The following NSMCE2 variants were observed in gnomAD, a reference collection of about 807,000 sequenced individuals.
The protein encoded by NSMCE2 is E3 SUMO-protein ligase NSE2.
In NSMCE2, 24 loss-of-function variants were observed where a neutral mutation model predicts 23.8. That is an observed-to-expected ratio of 1.01 (90% CI 0.73 to 1.42). The LOEUF is 1.42. Ranked by LOEUF, NSMCE2 falls within the 40% of genes most tolerant of loss-of-function variation. NSMCE2 has a pLI of 0.00. For synonymous variants in NSMCE2, 92 were observed against 94.1 expected (o/e 0.98, Z 0.13); for missense variants, 284 against 296.5 (o/e 0.96, Z 0.31).
intron 1 of NSMCE2, among the ~76,000 whole-genome samples, chr8:125,096,611 T>C (rs1240935372): frequency 2.3e-4 from 35 of 150,836 alleles, no homozygotes; most frequent in African/African-American, 7.3e-4. Flanking sequence ...ACCAAATGTG[T>C]ATTACTAGTA....
intron 4 of NSMCE2, among the ~76,000 whole-genome samples, chr8:125,157,741 C>G (rs369077276): frequency 3.9e-5 from 6 of 152,224 alleles, no homozygotes; most frequent in African/African-American, 1.4e-4. Context: ...TCACCGTTAC[C>G]TCATAGAAAT....
intron 5 of NSMCE2, among the ~76,000 whole-genome samples, chr8:125,215,272 A>G (rs1428520998): frequency 7.0e-6 from 1 of 141,976 alleles, no homozygotes; most frequent in African/African-American, 2.6e-5. Context: ...ATTCCCACCT[A>G]TGAGTGAGAA....
At chr8:125,106,538 C>A (rs1292219178) in intron 3 of NSMCE2, among the ~76,000 whole-genome samples, 1 of 151,830 alleles carries the variant, frequency 6.6e-6, no homozygotes, top group Admixed American at 6.6e-5. Context: ...ATTAGCCGGG[C>A]GTGGTGGTGC....
At chr8:125,157,748 A>G (rs1821399699) in intron 4 of NSMCE2, among the ~76,000 whole-genome samples, 2 of 152,228 alleles carry the variant, frequency 1.3e-5, no homozygotes, top group Admixed American at 6.5e-5. Context: ...TACCTCATAG[A>G]AATCCATCAT....
At chr8:125,298,527 C>T (rs566872288) in intron 5 of NSMCE2, among the ~76,000 whole-genome samples, 3 of 152,230 alleles carry the variant, frequency 2.0e-5, no homozygotes, top group East Asian at 3.9e-4. Context: ...GCTGATGCTG[C>T]GCCTCATTAG....
chr8:125,246,404 G>A (rs546678329), intron 5 of NSMCE2, among the ~76,000 whole-genome samples: 11 of 151,984 alleles, frequency 7.2e-5, no homozygotes, highest in Admixed American at 4.6e-4. Flanking sequence ...AGCTGCTCTC[G>A]ATCTCCTGAC....
chr8:125,301,520 T>C (rs1045078227), intron 5 of NSMCE2, among the ~76,000 whole-genome samples: 1 of 152,180 alleles, frequency 6.6e-6, no homozygotes, highest in African/African-American at 2.4e-5. Flanking sequence ...CGAAAGTACT[T>C]GGAAGACTTT....
At chr8:125,274,864 A>G (rs1299995543) in intron 5 of NSMCE2, among the ~76,000 whole-genome samples, 3 of 148,356 alleles carry the variant, frequency 2.0e-5, no homozygotes, top group Admixed American at 6.8e-5. Flanking sequence ...TGGGAGGCGG[A>G]GGTTGCAGTG....
intron 5 of NSMCE2, among the ~76,000 whole-genome samples, chr8:125,242,603 A>C (rs1351461687): frequency 2.0e-5 from 3 of 152,144 alleles, no homozygotes; most frequent in Non-Finnish European, 4.4e-5. Context: ...CCTGGAAAGT[A>C]AACAGAGGGC....
chr8:125,119,968 TA>T (rs976430182), intron 3 of NSMCE2, among the ~76,000 whole-genome samples: 3 of 152,162 alleles, frequency 2.0e-5, no homozygotes, highest in Non-Finnish European at 4.4e-5. Flanking sequence ...ATGTGTAATT[TA>T]AAATTTTCTG....
chr8:125,312,411 G>A (rs1829006995), intron 5 of NSMCE2, among the ~76,000 whole-genome samples: 2 of 152,086 alleles, frequency 1.3e-5, no homozygotes. Flanking sequence ...GGATCACAAG[G>A]TCAGGAGTTC....
intron 5 of NSMCE2, among the ~76,000 whole-genome samples, chr8:125,198,225 T>G (rs773022216): frequency 8.5e-5 from 13 of 152,202 alleles, no homozygotes; most frequent in Non-Finnish European, 1.5e-4. Flanking sequence ...CAACACTATG[T>G]TGAATAGGAG....
chr8:125,341,009 T>G (rs574627732), intron 5 of NSMCE2, among the ~76,000 whole-genome samples: 13 of 152,230 alleles, frequency 8.5e-5, no homozygotes, highest in Non-Finnish European at 1.8e-4. Context: ...GTTCCCTCAC[T>G]GGGCATGTGG....
chr8:125,315,635 G>C (rs1165716545), intron 5 of NSMCE2, among the ~76,000 whole-genome samples: 1 of 152,188 alleles, frequency 6.6e-6, no homozygotes, highest in Non-Finnish European at 1.5e-5. Context: ...CTAAAGGTTA[G>C]TTCCTTTCCC....
Position 125,263,762 on chromosome 8 carries a change from A to C in NSMCE2, c.418+81506A>C, listed in dbSNP as rs76499348. Among the ~76,000 whole-genome samples the C allele has an allele frequency of 7.6e-4, 116 of 152,108 alleles. 1 individual carries two copies. In the East Asian group the frequency reaches 0.019, roughly 25 times the overall value. ...GAGACTCCATCTCAAAAAAAAACAA[A>C]AAAAAAAAGAAGAGGCCTGATATGA... On this transcript the variant is annotated intron_variant, in intron 5 of 7. Coordinates refer to ENST00000287437, the MANE Select transcript of NSMCE2 (RefSeq NM_173685.4).
chr8:125,216,911 A>G (rs1204472641), intron 5 of NSMCE2, among the ~76,000 whole-genome samples: 4 of 152,214 alleles, frequency 2.6e-5, no homozygotes, highest in African/African-American at 9.6e-5. Context: ...TTAGGCTTTG[A>G]GATTTTGAAA....
intron 5 of NSMCE2, among the ~76,000 whole-genome samples, chr8:125,308,275 G>A (rs920438874): frequency 6.6e-6 from 1 of 152,138 alleles, no homozygotes; most frequent in African/African-American, 2.4e-5. Flanking sequence ...TTTGCTCTTT[G>A]ATTTAAGATA....
chr8:125,337,051 T>G (rs190087036), intron 5 of NSMCE2, among the ~76,000 whole-genome samples: 12 of 152,360 alleles, frequency 7.9e-5, no homozygotes. Flanking sequence ...TGGGTTTGCA[T>G]GAATTGCAAC....
intron 5 of NSMCE2, among the ~76,000 whole-genome samples, chr8:125,233,730 A>T (rs1055031502): frequency 6.6e-6 from 1 of 152,110 alleles, no homozygotes; most frequent in Non-Finnish European, 1.5e-5. Flanking sequence ...GATTGTCATA[A>T]CTCCCAAATA....
Sources: allele counts gnomAD v4.1 joint callset (sites outside exome capture counted in the v4.1 genomes callset), GRCh38; gene constraint gnomAD v4.1.1; transcripts MANE v1.5; gene names NCBI Gene and HGNC (gene_info 2026-07-23, HGNC 2026-07-21).